The following SHROOM2 variants were observed in gnomAD, a reference collection of about 807,000 sequenced individuals.
SHROOM2 encodes protein Shroom2.
A neutral mutation model predicts 75.9 loss-of-function variants in SHROOM2; 33 were observed. The ratio of observed to expected loss-of-function variants is 0.43; its 90% CI spans 0.33 to 0.58. The LOEUF is 0.58. Among genes scored for constraint, SHROOM2 ranks in the 20% least tolerant of loss-of-function variants. SHROOM2 has a pLI of 0.04. For missense variants in SHROOM2, 1,434 were observed against 1,461.2 expected (o/e 0.98, Z 0.30); for synonymous variants, 655 against 663.6 (o/e 0.99, Z 0.20).
intron 5 of SHROOM2, among the ~76,000 whole-genome samples, chrX:9,919,002 C>G (rs191834226): frequency 8.9e-6 from 1 of 112,178 alleles, no homozygotes; most frequent in Non-Finnish European, 1.9e-5. Flanking sequence ...CATCAGGCTG[C>G]CTGCTTTGCT....
At chrX:9,875,104 AAAAAAAG>A (rs2084192483) in intron 2 of SHROOM2, among the ~76,000 whole-genome samples, 1 of 100,170 alleles carries the variant, frequency 1.0e-5, no homozygotes, top group South Asian at 4.8e-4. Context: ...AAAAAAAAAA[AAAAAAAG>A]GGGAGGAAGG....
At chrX:9,919,859 TCA>T (rs1364268843) in intron 5 of SHROOM2, among the ~76,000 whole-genome samples, 1 of 111,119 alleles carries the variant, frequency 9.0e-6, no homozygotes, top group Non-Finnish European at 1.9e-5. Context: ...CTACAGCTCA[TCA>T]CAGAGTACAA....
intron 1 of SHROOM2, among the ~76,000 whole-genome samples, chrX:9,839,891 A>G (rs2083970563): frequency 8.9e-6 from 1 of 112,106 alleles, no homozygotes; most frequent in Non-Finnish European, 1.9e-5. Context: ...GCCTGTGCAG[A>G]TGTCTGTTTC....
chrX:9,880,570 CTCT>C (rs1323247918), intron 2 of SHROOM2, among the ~76,000 whole-genome samples: 2 of 112,634 alleles, frequency 1.8e-5, no homozygotes, highest in African/African-American at 6.4e-5. Context: ...TAAATGTCGC[CTCT>C]TCTTAGAACT....
Position 9,895,519 on chromosome X carries a change from G to A in SHROOM2, c.1611G>A (p.Pro537=), listed in dbSNP as rs754191138. The change falls in exon 4 of 10, where the codon CCG becomes CCA. Residue 537 remains proline (P), a synonymous_variant. Transcript: ENST00000380913. Reference sequence around the variant, plus strand: ...CCCGCGAGACAGGACGGTGTTACCCGCTGGACAAAGGGGCCGAGGGCTGCT... The same window carrying A: ...CCCGCGAGACAGGACGGTGTTACCCACTGGACAAAGGGGCCGAGGGCTGCT... ...PDARETGRCY[P]LDKGAEGCSA... is the part of the protein sequence containing the mutation. 2.1e-5 allele frequency: 25 copies of A among 1,198,392 alleles called. No homozygotes were observed. The Middle Eastern group carries it at 6.9e-4, about 33-fold the overall frequency.
intron 1 of SHROOM2, among the ~76,000 whole-genome samples, chrX:9,843,885 A>G (rs1458649100): frequency 8.9e-6 from 1 of 112,691 alleles, no homozygotes; most frequent in Non-Finnish European, 1.9e-5. Context: ...GGCTTTTTGC[A>G]AAGAAGACCA....
chrX:9,800,297 A>G (rs1020200727), intron 1 of SHROOM2, among the ~76,000 whole-genome samples: 1 of 111,161 alleles, frequency 9.0e-6, no homozygotes, highest in African/African-American at 3.3e-5. Flanking sequence ...CTCATGGGAC[A>G]CCTTAGCTAG....
Position 9,786,604 on chromosome X carries a change from C to T in SHROOM2, c.59C>T (p.Ala20Val), listed in dbSNP as rs889685611. The change falls in exon 1 of 10, where the codon GCG (alanine) becomes GTG (valine). Residue 20 changes from alanine to valine, a missense_variant. Transcript: ENST00000380913. ...PERLAEAETRAADGGRLVEVQ... is the reference protein window; with the variant it reads ...PERLAEAETRVADGGRLVEVQ... ...CGCCTGGCCGAGGCCGAGACGCGGG[C>T]GGCGGACGGCGGGCGCCTGGTGGAG... 12 of 873,935 alleles carry T rather than the reference C, an allele frequency of 1.4e-5. No homozygotes were observed. The highest frequency in any genetic ancestry group is 6.6e-5 in the Admixed American group (1 of 15,109). The allele number at this position is 873,935 out of a possible 1,213,427, so 72.0% of individuals were successfully genotyped here. A position where few individuals can be genotyped will look rare whatever the true frequency, so the allele number is the denominator to read the frequency against.
chrX:9,791,534 C>T (rs1277068076), intron 1 of SHROOM2, among the ~76,000 whole-genome samples: 1 of 112,154 alleles, frequency 8.9e-6, no homozygotes, highest in Non-Finnish European at 1.9e-5. Flanking sequence ...TTCAGGTCTT[C>T]TTTTACTTTC....
chrX:9,912,597 G>A (rs1330309292), intron 5 of SHROOM2: 1 of 111,788 alleles, frequency 8.9e-6, no homozygotes, highest in Non-Finnish European at 1.9e-5. Flanking sequence ...GGTAAGCAGA[G>A]CCGGGTAAGG....
At chrX:9,829,944 T>TTTTTTATTTTATTTTTA (rs61149874) in intron 1 of SHROOM2, among the ~76,000 whole-genome samples, 1 of 107,307 alleles carries the variant, frequency 9.3e-6, no homozygotes, top group Non-Finnish European at 1.9e-5. Flanking sequence ...TGGCCCAGTT[T>TTTTTTATTTTATTTTTA]TTTTTATTTT....
At chrX:9,939,641 T>C (rs1371813327) in intron 8 of SHROOM2, among the ~76,000 whole-genome samples, 2 of 112,651 alleles carry the variant, frequency 1.8e-5, no homozygotes, top group African/African-American at 6.5e-5. Context: ...TTTCATTTTA[T>C]CTTATTTATT....
intron 2 of SHROOM2, among the ~76,000 whole-genome samples, chrX:9,889,151 A>G (rs770048902): frequency 3.6e-5 from 4 of 111,705 alleles, no homozygotes; most frequent in Non-Finnish European, 7.5e-5. Flanking sequence ...CTTTCCTTCC[A>G]TGGGGTGCTG....
chrX:9,940,276 A>G (rs570672549), intron 8 of SHROOM2, among the ~76,000 whole-genome samples: 2 of 112,206 alleles, frequency 1.8e-5, no homozygotes, highest in African/African-American at 3.2e-5. Flanking sequence ...GGAAAATCAT[A>G]CCATCTGGAC....
intron 5 of SHROOM2, among the ~76,000 whole-genome samples, chrX:9,910,929 C>T (rs181548275): frequency 0.017 from 1,886 of 110,513 alleles, 15 homozygotes; most frequent in Non-Finnish European, 0.028. Flanking sequence ...GCAGTCCTCC[C>T]GCCTCGGCCT....
chrX:9,861,887 G>T (rs2084105788), intron 1 of SHROOM2, among the ~76,000 whole-genome samples: 1 of 111,567 alleles, frequency 9.0e-6, no homozygotes, highest in East Asian at 2.8e-4. Context: ...TCTGCCACCA[G>T]GGGATCCTGT....
At chrX:9,827,249 G>A (rs2083892922) in intron 1 of SHROOM2, among the ~76,000 whole-genome samples, 1 of 41,480 alleles carries the variant, frequency 2.4e-5, no homozygotes, top group Non-Finnish European at 4.0e-5. Context: ...TTGAGACAGG[G>A]TCTTATTGTG....
intron 8 of SHROOM2, 34 bp from the exon 9 acceptor site, chrX:9,944,607 T>A (rs1295656810): frequency 8.5e-7 from 1 of 1,178,580 alleles, no homozygotes; most frequent in Non-Finnish European, 1.1e-6. Context: ...CTAACCAGTG[T>A]CTCCGTGTTC....
intron 2 of SHROOM2, 29 bp from the exon 3 acceptor site, chrX:9,890,948 C>T (rs777922560): frequency 2.4e-5 from 28 of 1,174,529 alleles, no homozygotes; most frequent in Middle Eastern, 2.5e-4. Context: ...CAGTCCCTGA[C>T]CCCCCGCCTC....
Sources: gnomAD v4.1 joint callset for allele counts (sites outside exome capture counted in the v4.1 genomes callset) on GRCh38, gnomAD v4.1.1 for gene constraint, MANE v1.5 for transcripts, NCBI Gene and HGNC (gene_info 2026-07-23, HGNC 2026-07-21) for gene names.